Variants in SPATA7 observed in about 807,000 individuals in gnomAD.
The protein encoded by SPATA7 is spermatogenesis associated 7.
Under a neutral mutation model 51.8 loss-of-function variants are expected in SPATA7, and 43 were observed. The ratio of observed to expected loss-of-function variants is 0.83; its 90% CI spans 0.65 to 1.07. The LOEUF (loss-of-function observed/expected upper bound fraction) is 1.07, where lower values mean the gene tolerates loss of function less well. Ranked by LOEUF, SPATA7 falls within the 50% of genes least tolerant of loss-of-function variation. The pLI, the probability that SPATA7 is intolerant of heterozygous loss-of-function variation, is 0.00. For missense variants in SPATA7, 683 were observed against 701.3 expected (o/e 0.97, Z 0.30); for synonymous variants, 230 against 252.8 (o/e 0.91, Z 0.86).
chr14:88,385,784 A>T lies in SPATA7; in HGVS notation c.-35A>T. On this transcript the variant is annotated 5_prime_UTR_variant, in exon 1 of 12. Coordinates refer to ENST00000393545, the MANE Select transcript of SPATA7 (RefSeq NM_018418.5). ...CCGCGGGAAGGACCGAAGGGGATACAGCGTGTCCCTGCGGCGGCTGCAAGA... is the reference window on the plus strand; with the variant it reads ...CCGCGGGAAGGACCGAAGGGGATACTGCGTGTCCCTGCGGCGGCTGCAAGA... 6.3e-7 allele frequency: 1 copy of T among 1,589,168 alleles called. No individual in the cohort carries two copies. The highest frequency in any genetic ancestry group is 8.6e-7 in the Non-Finnish European group (1 of 1,163,262).
intron 4 of SPATA7, among the ~76,000 whole-genome samples, chr14:88,400,161 T>A (rs1392870841): frequency 6.6e-6 from 1 of 152,128 alleles, no homozygotes; most frequent in Admixed American, 6.5e-5. Context: ...AAACTAATAA[T>A]TAATAGCTGT....
At chr14:88,414,315 A>G (rs928223233) in intron 4 of SPATA7, among the ~76,000 whole-genome samples, 4 of 151,964 alleles carry the variant, frequency 2.6e-5, no homozygotes, top group African/African-American at 9.7e-5. Context: ...AAATTTATCT[A>G]TTTCCTCTAG....
chr14:88,436,718 GT>G (rs2077098481), intron 10 of SPATA7, among the ~76,000 whole-genome samples: 1 of 152,052 alleles, frequency 6.6e-6, no homozygotes, highest in African/African-American at 2.4e-5. Flanking sequence ...TGGCAACTTT[GT>G]CAAAAATGAG....
intron 4 of SPATA7, among the ~76,000 whole-genome samples, chr14:88,413,851 C>A (rs1400200180): frequency 3.3e-5 from 5 of 151,894 alleles, no homozygotes; most frequent in Non-Finnish European, 5.9e-5. Flanking sequence ...TGGTGAATCG[C>A]ATTTATTGAT....
intron 7 of SPATA7, chr14:88,428,026 G>A (rs1475360649): frequency 5.3e-6 from 1 of 187,322 alleles, no homozygotes; most frequent in African/African-American, 2.3e-5. Flanking sequence ...AGAGGAGCCA[G>A]CAGAGTAGTG....
At chr14:88,391,577 A>G in intron 2 of SPATA7, 122 bp downstream of exon 2, 2 of 820,110 alleles carry the variant, frequency 2.4e-6, no homozygotes, top group Non-Finnish European at 4.1e-6. Context: ...ACTTCATATT[A>G]TTAATTTTAA....
At chr14:88,465,105 A>G (rs1436904334) in intron 4 of SPATA7, among the ~76,000 whole-genome samples, 3 of 152,200 alleles carry the variant, frequency 2.0e-5, no homozygotes, top group Admixed American at 1.3e-4. Context: ...CATTTTCTGA[A>G]TGCTTCACAG....
chr14:88,462,321 A>G (rs1016925903), intron 4 of SPATA7, among the ~76,000 whole-genome samples: 3 of 152,180 alleles, frequency 2.0e-5, no homozygotes, highest in Non-Finnish European at 4.4e-5. Context: ...GACAGAAATG[A>G]AAACTAGTTA....
At chr14:88,396,108 A>C in intron 3 of SPATA7, 48 bp from the exon 4 acceptor site, 1 of 1,482,046 alleles carries the variant, frequency 6.7e-7, no homozygotes. Flanking sequence ...GGTATTTGTC[A>C]TTTATAAATA....
chr14:88,453,022 T>C (rs1214934292), intron 3 of SPATA7, among the ~76,000 whole-genome samples: 1 of 152,206 alleles, frequency 6.6e-6, no homozygotes, highest in Non-Finnish European at 1.5e-5. Flanking sequence ...CTGTGAAACC[T>C]TGAGGGATTG....
downstream of SPATA7, among the ~76,000 whole-genome samples, chr14:88,458,752 G>A (rs1011993370): frequency 2.6e-5 from 4 of 151,958 alleles, no homozygotes; most frequent in African/African-American, 9.7e-5. Context: ...GTTATTTCTT[G>A]CCTTCTGCTA....
intron 4 of SPATA7, among the ~76,000 whole-genome samples, chr14:88,404,250 TTAAAG>T (rs1378206114): frequency 3.9e-5 from 6 of 152,312 alleles, no homozygotes; most frequent in African/African-American, 9.6e-5. Context: ...TTGATACTTT[TTAAAG>T]TAATTTCTAA....
intron 5 of SPATA7, among the ~76,000 whole-genome samples, chr14:88,422,507 T>G (rs1371966945): frequency 1.3e-5 from 2 of 151,076 alleles, no homozygotes; most frequent in Non-Finnish European, 3.0e-5. Flanking sequence ...AATTAAATTT[T>G]GAGATAAGAA....
intron 4 of SPATA7, among the ~76,000 whole-genome samples, chr14:88,461,866 T>G (rs919458113): frequency 6.6e-6 from 1 of 152,202 alleles, no homozygotes. Context: ...CAGTATGTTT[T>G]TCTTACATTT....
chr14:88,433,713 T>G (rs1317275255), intron 10 of SPATA7, among the ~76,000 whole-genome samples: 1 of 152,176 alleles, frequency 6.6e-6, no homozygotes, highest in Non-Finnish European at 1.5e-5. Context: ...TGAATTTTGC[T>G]TGAACATTTA....
In SPATA7 at chr14:88,385,938, G is replaced by A. The variant is rs1304085029; in HGVS notation, c.19+101G>A. 3.2e-6 allele frequency: 5 copies of A among 1,543,140 alleles called. 1 individual carries two copies. Among genetic ancestry groups the A allele is most frequent in the East Asian group, 4.9e-5 (2 of 41,070 alleles). On this transcript the variant is annotated intron_variant, in intron 1 of 11. Coordinates refer to ENST00000393545, the MANE Select transcript of SPATA7 (RefSeq NM_018418.5). Reference sequence around the variant, plus strand: ...AGCTGAGTGCAAGGCCGCCCCTTGGGGCGCTTCCTACCCCTGGCTGAGTCG... The same window carrying A: ...AGCTGAGTGCAAGGCCGCCCCTTGGAGCGCTTCCTACCCCTGGCTGAGTCG...
intron 4 of SPATA7, among the ~76,000 whole-genome samples, chr14:88,398,640 T>A (rs79217402): frequency 0.1 from 15,768 of 151,948 alleles, 1,051 homozygotes; most frequent in African/African-American, 0.18. Context: ...AATAAAATTT[T>A]AAAAAAAGAT....
chr14:88,467,534 C>G (rs988149392), intron 4 of SPATA7: 2 of 152,104 alleles, frequency 1.3e-5, no homozygotes, highest in Non-Finnish European at 1.5e-5. Flanking sequence ...ATAGAAAAAT[C>G]CTTTTGATGT....
intron 9 of SPATA7, chr14:88,432,503 T>C (rs549484859): frequency 2.4e-4 from 36 of 152,348 alleles, no homozygotes; most frequent in African/African-American, 7.5e-4. Context: ...AATATAGTTA[T>C]AATAGAGAAG....
Sources: allele counts gnomAD v4.1 joint callset (sites outside exome capture counted in the v4.1 genomes callset), GRCh38; gene constraint gnomAD v4.1.1; transcripts MANE v1.5; gene names NCBI Gene and HGNC (gene_info 2026-07-23, HGNC 2026-07-21).